Variants in TSGA10 observed in about 807,000 individuals in gnomAD.
The protein encoded by TSGA10 is testis-specific gene 10 protein.
Under a neutral mutation model 96.6 loss-of-function variants are expected in TSGA10, and 43 were observed. The ratio of observed to expected loss-of-function variants is 0.44; its 90% CI spans 0.35 to 0.57. The LOEUF is 0.57. TSGA10 is among the 20% of genes least tolerant of loss of function. The pLI, the probability that TSGA10 is intolerant of heterozygous loss-of-function variation, is 0.01. For synonymous variants in TSGA10, 229 were observed against 269.9 expected (o/e 0.85, Z 1.48); for missense variants, 703 against 834.4 (o/e 0.84, Z 1.94).
At chr2:99,143,936 C>T (rs2093604093) in intron 1 of TSGA10, among the ~76,000 whole-genome samples, 1 of 151,946 alleles carries the variant, frequency 6.6e-6, no homozygotes, top group South Asian at 2.1e-4. Flanking sequence ...CTTCCTGATC[C>T]CCTCAAAAAA....
At chr2:99,139,354 A>T (rs1181195827) in intron 1 of TSGA10, among the ~76,000 whole-genome samples, 1 of 152,246 alleles carries the variant, frequency 6.6e-6, no homozygotes, top group Non-Finnish European at 1.5e-5. Flanking sequence ...ATTATATAAT[A>T]AAAAGTATCA....
At chr2:99,141,144 G>A in intron 1 of TSGA10, 5 of 1,270,832 alleles carry the variant, frequency 3.9e-6, no homozygotes, top group Middle Eastern at 2.2e-4. Context: ...GCTCATCCCC[G>A]CGACTGTCAG....
chr2:99,135,037 C>T (rs897291484), intron 1 of TSGA10, among the ~76,000 whole-genome samples: 1 of 152,162 alleles, frequency 6.6e-6, no homozygotes, highest in African/African-American at 2.4e-5. Context: ...TTGACTCCTG[C>T]TGGGAGATGT....
intron 12 of TSGA10, among the ~76,000 whole-genome samples, chr2:99,078,271 GAAAAAAAAAAA>G (rs200891345): frequency 3.7e-5 from 3 of 81,470 alleles, no homozygotes; most frequent in Admixed American, 1.4e-4. Context: ...ACTCCCGTTT[GAAAAAAAAAAA>G]AAAAAAAAAA....
chr2:99,032,175 T>C (rs2081196156), intron 17 of TSGA10, among the ~76,000 whole-genome samples: 1 of 152,156 alleles, frequency 6.6e-6, no homozygotes. Context: ...ATTTTTTTAT[T>C]TACCACTTCC....
At chr2:99,047,479 G>C (rs939089326) in intron 16 of TSGA10, among the ~76,000 whole-genome samples, 4 of 152,108 alleles carry the variant, frequency 2.6e-5, no homozygotes, top group Non-Finnish European at 4.4e-5. Flanking sequence ...AAAACCACAT[G>C]ATTATCTCAA....
intron 10 of TSGA10, among the ~76,000 whole-genome samples, chr2:99,094,063 G>C (rs1340832189): frequency 2.0e-5 from 3 of 151,962 alleles, no homozygotes; most frequent in African/African-American, 4.8e-5. Flanking sequence ...GCACTTAGAC[G>C]AATGCAACAG....
chr2:99,117,964 T>C (rs904554697), intron 3 of TSGA10, among the ~76,000 whole-genome samples: 2 of 152,268 alleles, frequency 1.3e-5, no homozygotes, highest in Middle Eastern at 6.8e-3. Context: ...TTAAATTTTA[T>C]AGCAATATCT....
chr2:99,088,187 G>A (rs1489240622), intron 10 of TSGA10, among the ~76,000 whole-genome samples: 2 of 152,224 alleles, frequency 1.3e-5, no homozygotes, highest in African/African-American at 2.4e-5. Flanking sequence ...ATGATAATTC[G>A]GTGTAGTAGT....
At chr2:99,092,021 C>G (rs2089415341) in intron 10 of TSGA10, among the ~76,000 whole-genome samples, 1 of 152,016 alleles carries the variant, frequency 6.6e-6, no homozygotes, top group Non-Finnish European at 1.5e-5. Context: ...CAAGATAGAC[C>G]ATATCATAGG....
chr2:99,083,202 T>A (rs1422058041), intron 10 of TSGA10, among the ~76,000 whole-genome samples: 1 of 152,174 alleles, frequency 6.6e-6, no homozygotes, highest in Admixed American at 6.5e-5. Flanking sequence ...GGTATTAACC[T>A]GTATCTATTA....
intron 1 of TSGA10, chr2:99,141,437 C>T (rs1251507189): frequency 5.6e-6 from 1 of 177,574 alleles, no homozygotes; most frequent in Non-Finnish European, 1.2e-5. Context: ...CCTGGCTCGA[C>T]CTTCCTTCTC....
At chr2:99,038,908 A>C (rs979319541) in intron 16 of TSGA10, among the ~76,000 whole-genome samples, 5 of 152,168 alleles carry the variant, frequency 3.3e-5, no homozygotes, top group South Asian at 2.1e-4. Flanking sequence ...AGTCTCAATA[A>C]ATTTTTAAAA....
chr2:99,111,628 C>T (rs1302950767), intron 4 of TSGA10, among the ~76,000 whole-genome samples: 3 of 152,108 alleles, frequency 2.0e-5, no homozygotes, highest in Non-Finnish European at 4.4e-5. Flanking sequence ...TTCTCTTCTA[C>T]GATTTTTCTG....
intron 1 of TSGA10, among the ~76,000 whole-genome samples, chr2:99,152,350 G>A (rs978031798): frequency 6.6e-6 from 1 of 152,108 alleles, no homozygotes; most frequent in African/African-American, 2.4e-5. Context: ...GCAGTGGAGC[G>A]ATCATAGCTC....
At chr2:99,035,584 T>G (rs1415389937) in intron 16 of TSGA10, 145 bp from the exon 17 acceptor site, 2 of 464,594 alleles carry the variant, frequency 4.3e-6, no homozygotes, top group Non-Finnish European at 7.3e-6. Flanking sequence ...GGTAACAATA[T>G]GTACAAAACA....
intron 1 of TSGA10, among the ~76,000 whole-genome samples, chr2:99,137,175 T>C (rs1165894989): frequency 6.6e-6 from 1 of 152,002 alleles, no homozygotes; most frequent in East Asian, 1.9e-4. Context: ...CTTTGTATTT[T>C]TAGTAGAGAT....
At chr2:99,003,631 G>A (rs1360758920) in intron 20 of TSGA10, among the ~76,000 whole-genome samples, 1 of 152,246 alleles carries the variant, frequency 6.6e-6, no homozygotes, top group East Asian at 1.9e-4. Context: ...AATCAAATTA[G>A]AACTCAGGAT....
intron 4 of TSGA10, among the ~76,000 whole-genome samples, chr2:99,113,282 T>TG (rs1395088923): frequency 6.6e-6 from 1 of 152,154 alleles, no homozygotes; most frequent in Non-Finnish European, 1.5e-5. Flanking sequence ...GATTAGAATA[T>TG]GGAGGAAGTG....
Sources: gnomAD v4.1 joint callset for allele counts (sites outside exome capture counted in the v4.1 genomes callset) on GRCh38, gnomAD v4.1.1 for gene constraint, MANE v1.5 for transcripts, NCBI Gene and HGNC (gene_info 2026-07-23, HGNC 2026-07-21) for gene names.